The following PAXIP1 variants were observed in gnomAD, a reference collection of about 807,000 sequenced individuals.
PAXIP1 encodes the protein PAX interacting protein 1.
A neutral mutation model predicts 140.6 loss-of-function variants in PAXIP1; 19 were observed. The observed-to-expected ratio is 0.14, with a 90% confidence interval of 0.09 to 0.20. PAXIP1 has a LOEUF of 0.20. PAXIP1 is among the 10% of genes least tolerant of loss of function. The pLI is 1.00. For missense variants in PAXIP1, 920 were observed against 1,208.6 expected, an observed-to-expected ratio of 0.76 and a Z score of 3.54; for synonymous variants, 442 against 444.6, an observed-to-expected ratio of 0.99 and a Z score of 0.07.
At position 154,946,660 on chromosome 7, in the gene PAXIP1, C is replaced by A. The variant is rs373635173; in HGVS notation, c.3057+19G>T. The A allele has an allele frequency of 2.5e-6, 4 of 1,613,386 alleles. No homozygotes were observed. Among genetic ancestry groups the A allele is most frequent in the Non-Finnish European group, 3.4e-6 (4 of 1,179,654 alleles). On this transcript the variant is annotated intron_variant, in intron 18 of 20. Coordinates refer to ENST00000404141, the MANE Select transcript of PAXIP1 (RefSeq NM_007349.4). This position sits in a 1 kb window ranked among gnomAD's most constrained non-coding sequence, Gnocchi z 4.9. ...TACAGGGCAATGACGGACTCGCTGGCGGACTCCACTCTACCCACCGAGTTC... is the reference window on the plus strand; with the variant it reads ...TACAGGGCAATGACGGACTCGCTGGAGGACTCCACTCTACCCACCGAGTTC...
Position 154,976,251 on chromosome 7 carries a change from T to C in PAXIP1, c.519A>G (p.Lys173=). 1 of 1,614,014 alleles carries C rather than the reference T, an allele frequency of 6.2e-7. No homozygotes were observed. The highest frequency in any genetic ancestry group is 8.5e-7 in the Non-Finnish European group (1 of 1,179,892). The change falls in exon 6 of 21, where the codon AAA becomes AAG. Residue 173 remains lysine (K), a synonymous_variant. Transcript: ENST00000404141. ...PDWVLDCVSE[K]TKKDEAFYHP... ...GATAAAATGCTTCGTCCTTTTTGGTTTTCTCTGATACGCAATCCAGAACCC... is the reference window on the plus strand; with the variant it reads ...GATAAAATGCTTCGTCCTTTTTGGTCTTCTCTGATACGCAATCCAGAACCC...
At position 154,959,922 on chromosome 7, in the gene PAXIP1, C is replaced by T. The variant is rs770160288; in HGVS notation, c.2446G>A (p.Val816Ile). 13 of 1,601,954 alleles carry T rather than the reference C, an allele frequency of 8.1e-6. No individual in the cohort carries two copies. In the Admixed American group the frequency reaches 2.2e-4, roughly 27 times the overall value. ...LVLNLLDAWR[V>I]PLKVSAELLM... is the part of the protein sequence containing the mutation. ...AACTCTGCAGACACTTTTAAGGGAA[C>T]TCTCCAAGCATCTAAAGAGAGAAAC... The change falls in exon 13 of 21, where the codon GTT (valine) becomes ATT (isoleucine). Residue 816 changes from valine (V) to isoleucine (I), a missense_variant. Around this residue, in one of 5 missense-constraint regions of PAXIP1, gnomAD observed 303 missense variants for 517.9 expected, o/e 0.59. Coordinates refer to ENST00000404141, the MANE Select transcript of PAXIP1 (RefSeq NM_007349.4).
Position 154,968,585 on chromosome 7 carries a change from C to T in PAXIP1, c.1616G>A (p.Arg539His), listed in dbSNP as rs1344550851. The change falls in exon 7 of 21, where the codon CGC becomes CAC. Residue 539 changes from arginine (R) to histidine (H), a missense_variant. Coordinates refer to ENST00000404141, the MANE Select transcript of PAXIP1 (RefSeq NM_007349.4). ...CTGCTGCTGCTGCTGCTGGTGCATG[C>T]GCTGGAGCTGCTGCTGCTGAATCTG... The part of the protein sequence containing the change: ...QQQIQQQQLQ[R>H]MHQQQQQQQM... The T allele has an allele frequency of 1.8e-5, 13 of 715,386 alleles. No homozygotes were observed. Among genetic ancestry groups the T allele is most frequent in the East Asian group, 2.7e-5 (1 of 37,096 alleles). The allele number at this position is 715,386 out of a possible 1,614,324, so 44.3% of individuals were successfully genotyped here. A position where few individuals can be genotyped will look rare whatever the true frequency, so the allele number is the denominator to read the frequency against.
rs1809445084 is a variant in PAXIP1, at chr7:154,973,888, ATGAAAGTG to A, written c.1074+1800_1074+1807del. Among the ~76,000 whole-genome samples the A allele has an allele frequency of 6.6e-6, 1 of 152,196 alleles. No individual in the cohort carries two copies. The highest frequency in any genetic ancestry group is 6.5e-5 in the Admixed American group (1 of 15,274). ...TGGGACTTTGAGCTGTCATTATGAAATGAAAGTGTCCAGAACAAGGTGAAGCGGCAGAC... is the reference window on the plus strand; with the variant it reads ...TGGGACTTTGAGCTGTCATTATGAAATCCAGAACAAGGTGAAGCGGCAGAC... On this transcript the variant is annotated intron_variant, in intron 6 of 20. Coordinates refer to ENST00000404141, the MANE Select transcript of PAXIP1 (RefSeq NM_007349.4). The surrounding 1 kb of genome is among the most constrained non-coding windows in gnomAD (Gnocchi z 4.0).
At chr7:154,952,717 G>A (rs906588589) in intron 16 of PAXIP1, among the ~76,000 whole-genome samples, 4 of 152,134 alleles carry the variant, frequency 2.6e-5, no homozygotes, top group East Asian at 1.9e-4. Flanking sequence ...ACCTAACCCC[G>A]TGTTTACCCA....
At chr7:154,999,770 GAA>G (rs1368349819) in intron 1 of PAXIP1, among the ~76,000 whole-genome samples, 4 of 152,210 alleles carry the variant, frequency 2.6e-5, no homozygotes, top group African/African-American at 9.6e-5. Context: ...TTGCAGCTAG[GAA>G]AAGATGTGGA....
At chr7:154,952,737 G>C (rs1356751919) in intron 16 of PAXIP1, among the ~76,000 whole-genome samples, 1 of 152,164 alleles carries the variant, frequency 6.6e-6, no homozygotes, top group East Asian at 1.9e-4. Flanking sequence ...AGAGACTACA[G>C]TACAGCATTC....
rs868082181 is a variant in PAXIP1, at chr7:154,982,741, C to T, written c.438+478G>A. On this transcript the variant is annotated intron_variant, in intron 5 of 20. Transcript: ENST00000404141. ...TGGAAACAAAATCCATACAGCCACA[C>T]CACTGCTCAAGGATGAGAGCCCTAT... Among the ~76,000 whole-genome samples, 3 of 152,266 alleles carry T rather than the reference C, an allele frequency of 2.0e-5. No individual in the cohort carries two copies. The South Asian group carries it at 6.2e-4, about 32-fold the overall frequency.
chr7:154,948,049 A>C lies in PAXIP1; in HGVS notation c.2822-46T>G, dbSNP rs200635956. ...TACTCTGAAAAGTGTGGACACGTGA[A>C]GTGTGGCAAGTGTGACCCACAAAAT... On this transcript the variant is annotated intron_variant, in intron 16 of 20. Transcript: ENST00000404141. 341 of 1,287,662 alleles carry C rather than the reference A, an allele frequency of 2.6e-4. 1 individual carries two copies. Among genetic ancestry groups the C allele is most frequent in the Non-Finnish European group, 3.3e-5 (29 of 882,540 alleles). 79.8% of individuals were successfully genotyped at this position (1,287,662 alleles called of 1,614,324 possible).
At chr7:154,980,692 G>C (rs1809800433) in intron 5 of PAXIP1, among the ~76,000 whole-genome samples, 1 of 152,202 alleles carries the variant, frequency 6.6e-6, no homozygotes, top group South Asian at 2.1e-4. Context: ...GGATTTACAG[G>C]CGTGAGCCAC....
At chr7:154,993,957 T>C (rs1810463347) in intron 2 of PAXIP1, among the ~76,000 whole-genome samples, 188 bp from the exon 3 acceptor site, 1 of 152,154 alleles carries the variant, frequency 6.6e-6, no homozygotes, top group African/African-American at 2.4e-5. Flanking sequence ...AGATGAAAAA[T>C]CCAATTACAG....
chr7:154,968,734 C>G lies in PAXIP1; in HGVS notation c.1467G>C (p.Gln489His), dbSNP rs772738672. 33 of 718,330 alleles carry G rather than the reference C, an allele frequency of 4.6e-5. No individual in the cohort carries two copies. In the Middle Eastern group the frequency reaches 6.8e-4, roughly 15 times the overall value. 44.5% of individuals were successfully genotyped at this position (718,330 alleles called of 1,614,324 possible). A position where few individuals can be genotyped will look rare whatever the true frequency, so the allele number is the denominator to read the frequency against. The change falls in exon 7 of 21, where the codon CAG becomes CAC. Residue 489 changes from glutamine (Q) to histidine (H), a missense_variant. Coordinates refer to ENST00000404141, the MANE Select transcript of PAXIP1 (RefSeq NM_007349.4). Reference sequence around the variant, plus strand: ...GCAGGGCATGCTGCTGCTGAAAGGGCTGGAGCTGCTGCTGAGGGCGATGCA... The same window carrying G: ...GCAGGGCATGCTGCTGCTGAAAGGGGTGGAGCTGCTGCTGAGGGCGATGCA... ...QQLHRPQQQL[Q>H]PFQQQHALQQ... is the part of the protein sequence containing the mutation.
intron 2 of PAXIP1, among the ~76,000 whole-genome samples, chr7:154,997,049 T>G (rs1010939389): frequency 1.3e-5 from 2 of 152,134 alleles, no homozygotes; most frequent in African/African-American, 4.8e-5. Flanking sequence ...GAGACAGAGA[T>G]ACTGTCCCTA....
intron 17 of PAXIP1, chr7:154,947,172 C>G (rs1163987587): frequency 5.5e-6 from 1 of 181,996 alleles, no homozygotes; most frequent in African/African-American, 2.4e-5. Context: ...TGCCCAGCAA[C>G]AGCCTCTGGC....
In PAXIP1 at chr7:154,973,322, G is replaced by A. The variant is rs761457861; in HGVS notation, c.1074+2374C>T. ...TGAAGCAGGCCCAAGAGCTCCTAAC[G>A]GGCAGCTGCTGTTCAGTTACAAGGC... On this transcript the variant is annotated intron_variant, in intron 6 of 20. Transcript: ENST00000404141. The surrounding 1 kb of genome is among the most constrained non-coding windows in gnomAD (Gnocchi z 4.0). Among the ~76,000 whole-genome samples the A allele has an allele frequency of 6.6e-6, 1 of 152,100 alleles. No individual in the cohort carries two copies. Among genetic ancestry groups the A allele is most frequent in the South Asian group, 2.1e-4 (1 of 4,820 alleles).
In PAXIP1 at chr7:154,969,047, T is replaced by C. The variant is rs375037270; in HGVS notation, c.1154A>G (p.Asn385Ser). Reference sequence around the variant, plus strand: ...TTTCACTTGGCTAAACAGCACTGCATTGGCATTTGTATGTCCCTGCTGGCT... The same window carrying C: ...TTTCACTTGGCTAAACAGCACTGCACTGGCATTTGTATGTCCCTGCTGGCT... The part of the protein sequence containing the change: ...NHSQQGHTNA[N>S]AVLFSQVKVT... The change falls in exon 7 of 21, where the codon AAT (asparagine) becomes AGT (serine). Residue 385 changes from asparagine to serine, a missense_variant. Physicochemically the swap from Asn to Ser is conservative, Grantham distance 46. This residue lies in a region of PAXIP1 where 419 missense variants were observed against 514.7 expected (regional missense o/e 0.81). Coordinates refer to ENST00000404141, the MANE Select transcript of PAXIP1 (RefSeq NM_007349.4). The C allele has an allele frequency of 3.5e-5, 54 of 1,539,672 alleles. No individual in the cohort carries two copies. The highest frequency in any genetic ancestry group is 4.2e-5 in the Non-Finnish European group (48 of 1,139,090).
rs752780932 is a variant in PAXIP1, at chr7:154,954,243, G to A, written c.2821+12C>T. On this transcript the variant is annotated intron_variant, in intron 16 of 20. Transcript: ENST00000404141. The surrounding 1 kb of genome is among the most constrained non-coding windows in gnomAD (Gnocchi z 5.1). ...TGGCATTAAAAGCAAAGTTACTGGCGCTGCTCCTTACCAATGAACTTCTGA... is the reference window on the plus strand; with the variant it reads ...TGGCATTAAAAGCAAAGTTACTGGCACTGCTCCTTACCAATGAACTTCTGA... 49 of 1,486,370 alleles carry A rather than the reference G, an allele frequency of 3.3e-5. No individual in the cohort carries two copies. Among genetic ancestry groups the A allele is most frequent in the African/African-American group, 2.3e-4 (16 of 71,092 alleles). 92.1% of individuals were successfully genotyped at this position (1,486,370 alleles called of 1,614,324 possible).
Position 154,986,225 on chromosome 7 carries a change from G to C in PAXIP1, c.325-2893C>G, listed in dbSNP as rs912751498. The C allele has an allele frequency of 7.6e-7, 1 of 1,311,978 alleles. No homozygotes were observed. Among genetic ancestry groups the C allele is most frequent in the African/African-American group, 1.5e-5 (1 of 65,794 alleles). The allele number at this position is 1,311,978 out of a possible 1,614,324, so 81.3% of individuals were successfully genotyped here. A position where few individuals can be genotyped will look rare whatever the true frequency, so the allele number is the denominator to read the frequency against. ...GGTCACTGAGAACCACCAAGAAACA[G>C]TCCTTTTGTAAAGCTGGGGTCCTGC... On this transcript the variant is annotated intron_variant, in intron 4 of 20. Transcript: ENST00000404141. The surrounding 1 kb of genome is among the most constrained non-coding windows in gnomAD (Gnocchi z 4.8).
At chr7:154,959,044 T>C (rs1301921068) in intron 13 of PAXIP1, among the ~76,000 whole-genome samples, 1 of 152,180 alleles carries the variant, frequency 6.6e-6, no homozygotes, top group Non-Finnish European at 1.5e-5. Flanking sequence ...GTGGGATGAT[T>C]ATCAGCAGCT....
Sources: allele counts gnomAD v4.1 joint callset (sites outside exome capture counted in the v4.1 genomes callset), GRCh38; gene constraint gnomAD v4.1.1; regional missense constraint gnomAD v4.1.1; non-coding constraint Gnocchi (gnomAD v3.1); transcripts MANE v1.5; gene names NCBI Gene and HGNC (gene_info 2026-07-23, HGNC 2026-07-21).